The following SPTLC3 variants were observed in gnomAD, a reference collection of about 807,000 sequenced individuals.
SPTLC3 encodes serine palmitoyltransferase 3.
A neutral mutation model predicts 59.3 loss-of-function variants in SPTLC3; 36 were observed. The ratio of observed to expected loss-of-function variants is 0.61; its 90% CI spans 0.47 to 0.80. The LOEUF is 0.80. SPTLC3 is among the 30% of genes least tolerant of loss of function. The pLI, the probability that SPTLC3 is intolerant of heterozygous loss-of-function variation, is 0.00. For synonymous variants in SPTLC3, 257 were observed against 240.8 expected (o/e 1.07, Z -0.62); for missense variants, 625 against 685.1 (o/e 0.91, Z 0.98).
At chr20:13,037,003 G>A (rs1434554693) in intron 1 of SPTLC3, among the ~76,000 whole-genome samples, 1 of 152,036 alleles carries the variant, frequency 6.6e-6, no homozygotes, top group South Asian at 2.1e-4. Flanking sequence ...CAATGTAATC[G>A]AAAACCAGTA....
At chr20:13,044,164 A>G (rs891227132) in intron 1 of SPTLC3, among the ~76,000 whole-genome samples, 5 of 150,554 alleles carry the variant, frequency 3.3e-5, no homozygotes, top group Admixed American at 3.3e-4. Flanking sequence ...CAGTGATGCA[A>G]TCTTGGCTCA....
rs1020771178 is a variant in SPTLC3 at position 13,126,446 on chromosome 20, C to A, written c.1153-145C>A. ...GAAAAAATAAATAGTTTGATGAAAACCATTGAAAGTTGGACCCCATTCATC... is the reference window on the plus strand; with the variant it reads ...GAAAAAATAAATAGTTTGATGAAAAACATTGAAAGTTGGACCCCATTCATC... On this transcript the variant is annotated intron_variant, in intron 8 of 11. Coordinates refer to ENST00000399002, the MANE Select transcript of SPTLC3 (RefSeq NM_018327.4). 10 of 906,316 alleles carry A rather than the reference C, an allele frequency of 1.1e-5. No homozygotes were observed. In the East Asian group the frequency reaches 2.8e-4, roughly 25 times the overall value. 56.1% of individuals were successfully genotyped at this position (906,316 alleles called of 1,614,324 possible).
intron 1 of SPTLC3, among the ~76,000 whole-genome samples, chr20:13,025,001 C>A (rs918532834): frequency 6.6e-6 from 1 of 152,134 alleles, no homozygotes; most frequent in African/African-American, 2.4e-5. Context: ...TCTTTAGTAT[C>A]AATTTCAAAA....
intron 4 of SPTLC3, among the ~76,000 whole-genome samples, chr20:13,076,581 G>A (rs997331405): frequency 6.6e-6 from 1 of 151,432 alleles, no homozygotes; most frequent in African/African-American, 2.4e-5. Context: ...GAAATAACAA[G>A]GAATCACTTA....
chr20:13,036,286 T>A (rs1986731534), intron 1 of SPTLC3, among the ~76,000 whole-genome samples: 1 of 152,042 alleles, frequency 6.6e-6, no homozygotes, highest in Non-Finnish European at 1.5e-5. Flanking sequence ...CTCTCCTTCC[T>A]TCCTTTCCAC....
chr20:13,034,773 T>A (rs1986659715), intron 1 of SPTLC3, among the ~76,000 whole-genome samples: 1 of 151,642 alleles, frequency 6.6e-6, no homozygotes, highest in Admixed American at 6.6e-5. Context: ...TGTAAAAACA[T>A]ACTTTTTGTT....
intron 9 of SPTLC3, among the ~76,000 whole-genome samples, chr20:13,127,397 G>GA (rs2038019237): frequency 2.0e-5 from 3 of 152,198 alleles, no homozygotes; most frequent in Admixed American, 6.5e-5. Context: ...AGGCAAACTG[G>GA]TGAGCACATT....
chr20:13,052,473 CAGG>C (rs61024150), intron 2 of SPTLC3, among the ~76,000 whole-genome samples: 41,529 of 151,900 alleles, frequency 0.27, 5,728 homozygotes, highest in Middle Eastern at 0.36. Flanking sequence ...AAGCTGGCTG[CAGG>C]AGTTTTTTTG....
rs376469342 is a variant in SPTLC3, at chr20:13,126,579, T to C, written c.1153-12T>C. ...ATTTGCCTTCTTTTTGGGTTTCCCCTCTTTATTTAAGGACCTCGTGGATTA... is the reference window on the plus strand; with the variant it reads ...ATTTGCCTTCTTTTTGGGTTTCCCCCCTTTATTTAAGGACCTCGTGGATTA... On this transcript the variant is annotated splice_polypyrimidine_tract_variant and intron_variant, in intron 8 of 11. Transcript: ENST00000399002. 1.9e-6 allele frequency: 3 copies of C among 1,613,386 alleles called. No individual in the cohort carries two copies. The highest frequency in any genetic ancestry group is 2.5e-6 in the Non-Finnish European group (3 of 1,179,626).
intron 2 of SPTLC3, among the ~76,000 whole-genome samples, chr20:13,061,756 G>A (rs1469308533): frequency 1.3e-5 from 2 of 152,104 alleles, no homozygotes; most frequent in Non-Finnish European, 2.9e-5. Context: ...CACCCCTGCT[G>A]CTACAAGCTT....
At chr20:13,077,988 A>G (rs1326191430) in intron 4 of SPTLC3, among the ~76,000 whole-genome samples, 1 of 151,810 alleles carries the variant, frequency 6.6e-6, no homozygotes, top group African/African-American at 2.4e-5. Context: ...TGATTCTGAT[A>G]AGCAGCCACA....
At chr20:13,127,055 G>T (rs2038010879) in intron 9 of SPTLC3, among the ~76,000 whole-genome samples, 1 of 152,200 alleles carries the variant, frequency 6.6e-6, no homozygotes, top group Non-Finnish European at 1.5e-5. Flanking sequence ...TGTCACTTGT[G>T]TTTCCCTAAG....
intron 4 of SPTLC3, among the ~76,000 whole-genome samples, chr20:13,087,242 G>C (rs1212865551): frequency 6.6e-6 from 1 of 152,190 alleles, no homozygotes; most frequent in African/African-American, 2.4e-5. Flanking sequence ...ACAACTTTTA[G>C]TGATGCAATT....
At chr20:13,039,980 C>T (rs1446703624) in intron 1 of SPTLC3, among the ~76,000 whole-genome samples, 1 of 151,028 alleles carries the variant, frequency 6.6e-6, no homozygotes, top group African/African-American at 2.4e-5. Context: ...CTATGTTGTA[C>T]AATTTTATGT....
intron 1 of SPTLC3, among the ~76,000 whole-genome samples, chr20:13,010,071 G>T (rs1367660790): frequency 6.6e-6 from 1 of 151,376 alleles, no homozygotes; most frequent in Non-Finnish European, 1.5e-5. Flanking sequence ...ATTGCACCGG[G>T]ATGTTTGCAG....
intron 1 of SPTLC3, among the ~76,000 whole-genome samples, chr20:13,035,063 G>C (rs981352094): frequency 1.3e-5 from 2 of 151,950 alleles, no homozygotes; most frequent in African/African-American, 4.8e-5. Context: ...AACCTCCCCT[G>C]CCTTTTCCAG....
intron 1 of SPTLC3, among the ~76,000 whole-genome samples, chr20:13,035,782 G>C (rs971731036): frequency 6.6e-6 from 1 of 152,082 alleles, no homozygotes; most frequent in African/African-American, 2.4e-5. Context: ...GTTTTATAAA[G>C]CATTTCTAAA....
At chr20:13,054,495 T>G (rs1223168376) in intron 2 of SPTLC3, among the ~76,000 whole-genome samples, 1 of 152,072 alleles carries the variant, frequency 6.6e-6, no homozygotes, top group Non-Finnish European at 1.5e-5. Flanking sequence ...ACCAAGGTAG[T>G]GACAATAGGG....
rs112443763 is a variant in SPTLC3, at chr20:13,074,044, G to A, written c.459-305G>A. On this transcript the variant is annotated intron_variant, in intron 3 of 11. Coordinates refer to ENST00000399002, the MANE Select transcript of SPTLC3 (RefSeq NM_018327.4). ...CCAGTCAAGCTCTGGAGCTGTGGCA[G>A]GTCCAAGTTGGAGGCCTGCTGTGGG... is the stretch of plus-strand genomic sequence containing the variant. 1,791 of 640,866 alleles carry A rather than the reference G, an allele frequency of 2.8e-3. 14 individuals carry two copies. The highest frequency in any genetic ancestry group is 0.027 in the African/African-American group (1,538 of 56,076). The allele number at this position is 640,866 out of a possible 1,614,324, so 39.7% of individuals were successfully genotyped here.
Sources: allele counts gnomAD v4.1 joint callset (sites outside exome capture counted in the v4.1 genomes callset), GRCh38; gene constraint gnomAD v4.1.1; transcripts MANE v1.5; gene names NCBI Gene and HGNC (gene_info 2026-07-23, HGNC 2026-07-21).